SLC19A1: variants seen among roughly 807,000 people sequenced by gnomAD.
The protein encoded by SLC19A1 is reduced folate transporter.
SLC19A1 carries 37 observed loss-of-function variants against 35.3 expected under a neutral mutation model. The observed-to-expected ratio is 1.05, with a 90% CI of 0.81 to 1.38. The LOEUF (loss-of-function observed/expected upper bound fraction) is 1.38. Among genes scored for constraint, SLC19A1 ranks in the 40% most tolerant of loss-of-function variants. SLC19A1 has a pLI of 0.00. For synonymous variants in SLC19A1, 460 were observed against 398.5 expected, an observed-to-expected ratio of 1.15 and a Z score of -1.84; for missense variants, 831 against 826.9, an observed-to-expected ratio of 1.00 and a Z score of -0.06.
chr21:45,553,578 G>A (rs530889367), intron 1 of SLC19A1, among the ~76,000 whole-genome samples: 3 of 148,700 alleles, frequency 2.0e-5, no homozygotes, highest in Non-Finnish European at 4.5e-5. Context: ...GAACTCTTTC[G>A]TCCTGCAAAA....
chr21:45,516,629 G>A (rs1381784766), intron 5 of SLC19A1, among the ~76,000 whole-genome samples: 8 of 152,340 alleles, frequency 5.3e-5, no homozygotes, highest in East Asian at 1.9e-4. Context: ...TCTCGGCAGC[G>A]GAAGCTGTGC....
At chr21:45,546,071 G>A (rs2078412256), upstream of SLC19A1, among the ~76,000 whole-genome samples, 1 of 152,334 alleles carries the variant, frequency 6.6e-6, no homozygotes, top group East Asian at 1.9e-4. Flanking sequence ...CAAAGGTCTG[G>A]AGAAGGGGGA....
intron 5 of SLC19A1, among the ~76,000 whole-genome samples, chr21:45,516,555 G>A (rs575871308): frequency 5.9e-4 from 90 of 152,352 alleles, no homozygotes; most frequent in African/African-American, 2.2e-3. Flanking sequence ...GTGACCAGGA[G>A]CTGATCCCCA....
chr21:45,507,300 C>T (rs1205730355), intron 3 of SLC19A1: 6 of 535,972 alleles, frequency 1.1e-5, no homozygotes, highest in Non-Finnish European at 1.7e-5. Context: ...GGGTGCTGGG[C>T]AGGGAGGGCA....
Position 45,542,085 on chromosome 21 carries a change from C to G in SLC19A1, c.-50+283G>C, listed in dbSNP as rs1264039978. Among the ~76,000 whole-genome samples the G allele has an allele frequency of 4.2e-5, 6 of 144,152 alleles. No individual in the cohort carries two copies. The South Asian group carries it at 6.7e-4, about 16-fold the overall frequency. The allele number at this position is 144,152 out of a possible 152,430, so 94.6% of individuals were successfully genotyped here. A position where few individuals can be genotyped will look rare whatever the true frequency, so the allele number is the denominator to read the frequency against. ...CTGCAGACCGCAGACCCCGGCCACGCCCCGCACCCTCCCCAGGGCCCCCCA... is the reference window on the plus strand; with the variant it reads ...CTGCAGACCGCAGACCCCGGCCACGGCCCGCACCCTCCCCAGGGCCCCCCA... On this transcript the variant is annotated intron_variant, in intron 1 of 5. Transcript: ENST00000311124.
At chr21:45,545,443 G>C (rs1476287199), upstream of SLC19A1, among the ~76,000 whole-genome samples, 1 of 151,518 alleles carries the variant, frequency 6.6e-6, no homozygotes, top group Non-Finnish European at 1.5e-5. Flanking sequence ...TCCACCATGT[G>C]TGGAAGCTTC....
In SLC19A1 at chr21:45,534,669, A is replaced by G; in HGVS notation, c.190-2521T>C. 2.1e-6 allele frequency: 3 copies of G among 1,395,630 alleles called. No homozygotes were observed. The highest frequency in any genetic ancestry group is 2.5e-5 in the South Asian group (2 of 80,856). The allele number at this position is 1,395,630 out of a possible 1,614,324, so 86.5% of individuals were successfully genotyped here. On this transcript the variant is annotated intron_variant, in intron 2 of 5. Transcript: ENST00000311124. The surrounding 1 kb of genome is among the most constrained non-coding windows in gnomAD (Gnocchi z 4.2). ...GAGCTCCCCCTTGGCAGCCACCCAG[A>G]GCCCTCCCGCTCCTCTCCCTGCACC...
chr21:45,560,990 C>T (rs1010048987), intron 1 of SLC19A1, among the ~76,000 whole-genome samples: 109 of 152,242 alleles, frequency 7.2e-4, no homozygotes, highest in Middle Eastern at 3.2e-3. Flanking sequence ...CCCTTAGAAA[C>T]GAAGCTGCTT....
Position 45,534,509 on chromosome 21 carries a change from C to T in SLC19A1, c.190-2361G>A, listed in dbSNP as rs1263186211. ...GACCCCACGGCTCTCTGGAAAAGGG[C>T]GGCCAGGGGTCCTAGAAGCCTCACC... On this transcript the variant is annotated intron_variant, in intron 2 of 5. Transcript: ENST00000311124. The surrounding 1 kb of genome is among the most constrained non-coding windows in gnomAD (Gnocchi z 4.2). 12 of 1,499,908 alleles carry T rather than the reference C, an allele frequency of 8.0e-6. No homozygotes were observed. In the South Asian group the frequency reaches 8.4e-5, roughly 10 times the overall value. The allele number at this position is 1,499,908 out of a possible 1,614,324, so 92.9% of individuals were successfully genotyped here.
downstream of SLC19A1, chr21:45,507,733 G>C: frequency 1.2e-6 from 1 of 819,770 alleles, no homozygotes; most frequent in Non-Finnish European, 2.1e-6. Flanking sequence ...CCCTGCTGCA[G>C]AAACTGGTGC....
At chr21:45,510,526 G>A (rs1182958337), downstream of SLC19A1, among the ~76,000 whole-genome samples, 16 of 132,838 alleles carry the variant, frequency 1.2e-4, no homozygotes, top group South Asian at 2.6e-4. Context: ...CCGCTCCCCC[G>A]GCAGTGCCCC....
chr21:45,534,436 A>G lies in SLC19A1; in HGVS notation c.190-2288T>C. On this transcript the variant is annotated intron_variant, in intron 2 of 5. Coordinates refer to ENST00000311124, the MANE Select transcript of SLC19A1 (RefSeq NM_194255.4). This position sits in a 1 kb window ranked among gnomAD's most constrained non-coding sequence, Gnocchi z 4.2. The stretch of plus-strand genomic sequence containing the variant: ...CCTGGCCGGGGCACAGGTTCTGCCC[A>G]CAGCCCAGAGTCAAAATGGTAGACA... 4 of 967,932 alleles carry G rather than the reference A, an allele frequency of 4.1e-6. No homozygotes were observed. Among genetic ancestry groups the G allele is most frequent in the Non-Finnish European group, 6.2e-6 (4 of 643,348 alleles). 60.0% of individuals were successfully genotyped at this position (967,932 alleles called of 1,614,324 possible).
In SLC19A1 at chr21:45,534,473, G is replaced by C; in HGVS notation, c.190-2325C>G. 1 of 1,258,356 alleles carries C rather than the reference G, an allele frequency of 7.9e-7. No individual in the cohort carries two copies. The allele number at this position is 1,258,356 out of a possible 1,614,324, so 77.9% of individuals were successfully genotyped here. On this transcript the variant is annotated intron_variant, in intron 2 of 5. Coordinates refer to ENST00000311124, the MANE Select transcript of SLC19A1 (RefSeq NM_194255.4). The surrounding 1 kb of genome is among the most constrained non-coding windows in gnomAD (Gnocchi z 4.2). ...CAAAATGGTAGACAGCCAGCAGAGA[G>C]GCTCTCCCCAGACCCCACGGCTCTC...
intron 3 of SLC19A1, chr21:45,505,835 C>G: frequency 6.3e-7 from 1 of 1,594,700 alleles, no homozygotes; most frequent in Non-Finnish European, 8.5e-7. Context: ...TTGGTCCCAG[C>G]AGGTGAGGCT....
chr21:45,523,482 C>CA (rs1302507069), intron 5 of SLC19A1, among the ~76,000 whole-genome samples: 3 of 152,210 alleles, frequency 2.0e-5, no homozygotes, highest in African/African-American at 7.2e-5. Context: ...AAAGGGCTTC[C>CA]TCGTGACCAG....
intron 1 of SLC19A1, among the ~76,000 whole-genome samples, chr21:45,557,146 G>A (rs1348861382): frequency 6.6e-6 from 1 of 152,226 alleles, no homozygotes; most frequent in Non-Finnish European, 1.5e-5. Flanking sequence ...GCATGGAGCT[G>A]CCCAGGACTC....
chr21:45,535,795 G>T (rs2078092245), intron 2 of SLC19A1, among the ~76,000 whole-genome samples: 1 of 152,244 alleles, frequency 6.6e-6, no homozygotes. Context: ...AACCCAGGAG[G>T]CGCAGCTTAA....
At chr21:45,544,016 G>C (rs1325052731), upstream of SLC19A1, 1 of 152,604 alleles carries the variant, frequency 6.6e-6, no homozygotes, top group African/African-American at 2.4e-5. Flanking sequence ...AACAGCAGCG[G>C]GGCTCCTAGA....
Position 45,504,505 on chromosome 21 carries a change from CCCCCCCGGCCCCCCAGG to C in SLC19A1, c.498-5910_498-5894del, listed in dbSNP as rs762939986. On this transcript the variant is annotated intron_variant, in intron 3 of 4. Transcript: ENST00000417954. ...GTTTCTTCGGCTCCAGCCTGCCCGGCCCCCCCGGCCCCCCAGGCCCCCCAGGCCCACGTGGCTACCCT... is the reference window on the plus strand; with the variant it reads ...GTTTCTTCGGCTCCAGCCTGCCCGGCCCCCCCAGGCCCACGTGGCTACCCT... The C allele has an allele frequency of 2.2e-5, 31 of 1,390,266 alleles. No individual in the cohort carries two copies. Among genetic ancestry groups the C allele is most frequent in the African/African-American group, 1.2e-4 (4 of 32,758 alleles). 86.1% of individuals were successfully genotyped at this position (1,390,266 alleles called of 1,614,324 possible).
Sources: allele counts gnomAD v4.1 joint callset (sites outside exome capture counted in the v4.1 genomes callset), GRCh38; gene constraint gnomAD v4.1.1; non-coding constraint Gnocchi (gnomAD v3.1); transcripts MANE v1.5; gene names NCBI Gene and HGNC (gene_info 2026-07-23, HGNC 2026-07-21).